Variants in LINGO2 observed in about 807,000 individuals in gnomAD.
LINGO2 encodes the protein leucine rich repeat and Ig domain containing 2, also known as leucine-rich repeat and immunoglobulin-like domain-containing nogo receptor-interacting protein 2.
Under a neutral mutation model 30.6 loss-of-function variants are expected in LINGO2, and 14 were observed. That is an observed-to-expected ratio of 0.46 (90% confidence interval 0.30 to 0.72). LINGO2 has a LOEUF of 0.72. Ranked by LOEUF, LINGO2 falls within the 30% of genes least tolerant of loss-of-function variation. The probability of loss-of-function intolerance (pLI) is 0.07; values close to 1 mark genes in which losing one functional copy is unlikely to be tolerated. For missense variants in LINGO2, 729 were observed against 751.7 expected, an observed-to-expected ratio of 0.97 and a Z score of 0.35; for synonymous variants, 317 against 288.5, an observed-to-expected ratio of 1.10 and a Z score of -1.00.
chr9:28,753,799 G>A, the LINGO2 span, among the ~76,000 whole-genome samples: 1 of 151,978 alleles, frequency 6.6e-6, no homozygotes, highest in African/African-American at 2.4e-5. Flanking sequence ...GGCATATACA[G>A]AGCCAAGTGA....
chr9:28,339,255 CTAATAA>C (rs146481632), intron 3 of LINGO2, among the ~76,000 whole-genome samples: 4,670 of 152,128 alleles, frequency 0.031, 153 homozygotes, highest in Middle Eastern at 0.095. Flanking sequence ...ATGACTACTA[CTAATAA>C]TAACAGTAAA....
At chr9:28,109,013 C>T (rs1354149872) in intron 4 of LINGO2, among the ~76,000 whole-genome samples, 6 of 152,070 alleles carry the variant, frequency 3.9e-5, no homozygotes, top group East Asian at 1.9e-4. Context: ...ACTGGCAAGC[C>T]AAATCCAGCA....
intron 4 of LINGO2, among the ~76,000 whole-genome samples, chr9:28,027,400 A>C (rs1448378834): frequency 6.6e-6 from 1 of 152,216 alleles, no homozygotes; most frequent in African/African-American, 2.4e-5. Context: ...AATAATGCCT[A>C]AAATTACCTG....
chr9:28,516,005 T>A (rs1820605571), intron 1 of LINGO2, among the ~76,000 whole-genome samples: 2 of 152,182 alleles, frequency 1.3e-5, no homozygotes, highest in Non-Finnish European at 1.5e-5. Context: ...CAAGGCAAGA[T>A]CTTCCACCAG....
chr9:28,444,568 C>T (rs1824340882), intron 2 of LINGO2, among the ~76,000 whole-genome samples: 1 of 152,228 alleles, frequency 6.6e-6, no homozygotes, highest in Non-Finnish European at 1.5e-5. Flanking sequence ...CTCCCCAAGC[C>T]AGGGCTGTGA....
intron 1 of LINGO2, among the ~76,000 whole-genome samples, chr9:28,656,414 C>T (rs1001657795): frequency 2.0e-5 from 3 of 151,974 alleles, no homozygotes; most frequent in Non-Finnish European, 2.9e-5. Context: ...TAAAATTAAT[C>T]GCCCTAGTAA....
chr9:28,045,029 G>T (rs573975769), intron 4 of LINGO2, among the ~76,000 whole-genome samples: 63 of 152,092 alleles, frequency 4.1e-4, no homozygotes, highest in Non-Finnish European at 9.1e-4. Context: ...CCAGGGGAGC[G>T]AGTGTGGGGG....
At chr9:29,209,126 TTGTTCACAGA>T in the LINGO2 span, among the ~76,000 whole-genome samples, 1 of 152,138 alleles carries the variant, frequency 6.6e-6, no homozygotes, top group South Asian at 2.1e-4. Flanking sequence ...ATTGGCCAAT[TTGTTCACAGA>T]GTATTAATCA....
At chr9:28,708,594 A>T in the LINGO2 span, among the ~76,000 whole-genome samples, 1 of 152,104 alleles carries the variant, frequency 6.6e-6, no homozygotes, top group East Asian at 1.9e-4. Context: ...TAAGAACAGG[A>T]TGAACAGTTC....
intron 4 of LINGO2, among the ~76,000 whole-genome samples, chr9:28,253,039 G>C (rs1169425023): frequency 6.6e-6 from 1 of 151,300 alleles, no homozygotes; most frequent in African/African-American, 2.4e-5. Flanking sequence ...TTTCAGAGCA[G>C]TTATCAAACC....
chr9:28,625,618 G>A (rs1826625133), intron 1 of LINGO2, among the ~76,000 whole-genome samples: 1 of 152,014 alleles, frequency 6.6e-6, no homozygotes, highest in East Asian at 1.9e-4. Context: ...ATATAAAAAA[G>A]TAATATTTGT....
chr9:28,754,635 C>CA, the LINGO2 span, among the ~76,000 whole-genome samples: 8 of 143,466 alleles, frequency 5.6e-5, no homozygotes, highest in Non-Finnish European at 1.1e-4. Context: ...TGTTTCTGTC[C>CA]TTTTTTTTTT....
intron 4 of LINGO2, among the ~76,000 whole-genome samples, chr9:28,278,629 G>C (rs1424767503): frequency 1.3e-5 from 2 of 152,246 alleles, no homozygotes; most frequent in East Asian, 1.9e-4. Context: ...TAAGCCCATT[G>C]TTGAGACCTA....
At chr9:28,138,410 C>T (rs895495378) in intron 4 of LINGO2, among the ~76,000 whole-genome samples, 4 of 152,126 alleles carry the variant, frequency 2.6e-5, no homozygotes, top group Non-Finnish European at 4.4e-5. Flanking sequence ...GACAACAAGT[C>T]GATGACAAAG....
chr9:29,030,014 G>A, the LINGO2 span, among the ~76,000 whole-genome samples: 1 of 151,848 alleles, frequency 6.6e-6, no homozygotes, highest in Non-Finnish European at 1.5e-5. Flanking sequence ...TTAAAATTTG[G>A]TACTAGCTGG....
chr9:28,286,397 A>G (rs986329488), intron 4 of LINGO2, among the ~76,000 whole-genome samples: 8 of 152,230 alleles, frequency 5.3e-5, no homozygotes, highest in Non-Finnish European at 1.0e-4. Context: ...GGAAGACAGT[A>G]TGGAAATTTC....
At chr9:29,131,771 T>C in the LINGO2 span, among the ~76,000 whole-genome samples, 5 of 151,938 alleles carry the variant, frequency 3.3e-5, no homozygotes, top group African/African-American at 9.7e-5. Flanking sequence ...AAATGCATCA[T>C]ATAAAAAACC....
the LINGO2 span, among the ~76,000 whole-genome samples, chr9:29,101,546 G>A: frequency 6.6e-6 from 1 of 152,070 alleles, no homozygotes; most frequent in Non-Finnish European, 1.5e-5. Context: ...CCTCCCCCGT[G>A]TAGTGTCTTC....
the LINGO2 span, among the ~76,000 whole-genome samples, chr9:28,914,710 T>C: frequency 1.8e-4 from 27 of 152,330 alleles, no homozygotes; most frequent in Admixed American, 1.7e-3. Flanking sequence ...GACTTGAGTA[T>C]GAGTAGATTT....
Sources: gnomAD v4.1 joint callset for allele counts (sites outside exome capture counted in the v4.1 genomes callset) on GRCh38, gnomAD v4.1.1 for gene constraint, MANE v1.5 for transcripts, NCBI Gene and HGNC (gene_info 2026-07-23, HGNC 2026-07-21) for gene names.